Variants in FAM227B observed in about 807,000 individuals in gnomAD.
FAM227B encodes family with sequence similarity 227 member B.
FAM227B carries 88 observed loss-of-function variants against 73.8 expected under a neutral mutation model. The observed-to-expected ratio is 1.19, with a 90% CI of 1.00 to 1.42. The LOEUF (loss-of-function observed/expected upper bound fraction) is 1.42, where lower values mean the gene tolerates loss of function less well. FAM227B is among the 40% of genes most tolerant of loss of function. The pLI, the probability that FAM227B is intolerant of heterozygous loss-of-function variation, is 0.00. For synonymous variants in FAM227B, 210 were observed against 190.5 expected, an observed-to-expected ratio of 1.10 and a Z score of -0.84; for missense variants, 632 against 590.9, an observed-to-expected ratio of 1.07 and a Z score of -0.72.
intron 15 of FAM227B, chr15:49,329,129 A>AT (rs2151123538): frequency 1.0e-6 from 1 of 991,892 alleles, no homozygotes; most frequent in South Asian, 4.6e-5. Context: ...GCTTGTTTGT[A>AT]TATATGCACC....
At chr15:49,574,581 G>A (rs898453970) in intron 8 of FAM227B, among the ~76,000 whole-genome samples, 2 of 152,182 alleles carry the variant, frequency 1.3e-5, no homozygotes, top group African/African-American at 2.4e-5. Context: ...GCGGAAATAC[G>A]AGTCAATTAA....
At chr15:49,403,293 G>A (rs993790689) in intron 11 of FAM227B, among the ~76,000 whole-genome samples, 4 of 152,150 alleles carry the variant, frequency 2.6e-5, no homozygotes, top group Non-Finnish European at 4.4e-5. Flanking sequence ...AATGAGCTAG[G>A]GAGGGGTCCC....
rs111561194 is a variant in FAM227B, at chr15:49,550,005, A to G, written c.748-8199T>C. Among the ~76,000 whole-genome samples, 72 of 63,760 alleles carry G rather than the reference A, an allele frequency of 1.1e-3. 1 individual carries two copies. The highest frequency in any genetic ancestry group is 2.4e-3 in the East Asian group (5 of 2,072). The allele number at this position is 63,760 out of a possible 152,430, so 41.8% of individuals were successfully genotyped here. A position where few individuals can be genotyped will look rare whatever the true frequency, so the allele number is the denominator to read the frequency against. On this transcript the variant is annotated intron_variant, in intron 9 of 15. Transcript: ENST00000299338. ...TCCCAGACGGGGCGGCTGGCCGGGC[A>G]GGGGGCTGACCCCCCCACCTCCCTC...
chr15:49,604,020 G>A (rs1234722806), intron 3 of FAM227B, among the ~76,000 whole-genome samples: 1 of 152,014 alleles, frequency 6.6e-6, no homozygotes, highest in African/African-American at 2.4e-5. Flanking sequence ...CATGATGAAT[G>A]ATACTTTTAA....
intron 10 of FAM227B, among the ~76,000 whole-genome samples, chr15:49,525,871 T>C (rs1199279876): frequency 3.3e-5 from 5 of 151,012 alleles, no homozygotes; most frequent in Admixed American, 6.6e-5. Flanking sequence ...TAAATATATA[T>C]GAAGCCAACA....
chr15:49,365,436 CTGTACAATAA>C, intron 13 of FAM227B: 1 of 945,002 alleles, frequency 1.1e-6, no homozygotes, highest in East Asian at 2.4e-5. Flanking sequence ...AGCAACAGGC[CTGTACAATAA>C]TGTCTCCAAA....
At chr15:49,455,556 G>T (rs10519229) in intron 11 of FAM227B, among the ~76,000 whole-genome samples, 2 of 152,070 alleles carry the variant, frequency 1.3e-5, no homozygotes, top group African/African-American at 4.8e-5. Flanking sequence ...CTGAATTTCT[G>T]GGTAGGTCCA....
At chr15:49,515,948 T>A (rs918107710) in intron 10 of FAM227B, among the ~76,000 whole-genome samples, 11 of 152,090 alleles carry the variant, frequency 7.2e-5, no homozygotes, top group African/African-American at 2.2e-4. Flanking sequence ...TGTTCCTGTG[T>A]CTTGGAATGG....
rs148622656 is a variant in FAM227B at position 49,328,387 on chromosome 15, C to T, written c.*181G>A. On this transcript the variant is annotated 3_prime_UTR_variant, in exon 16 of 16. Transcript: ENST00000299338. ...ATTAAGAGCCAAGATCATGCTTGGACAGATCTTTTAAGAATAACTTACTGA... is the reference window on the plus strand; with the variant it reads ...ATTAAGAGCCAAGATCATGCTTGGATAGATCTTTTAAGAATAACTTACTGA... 118 of 1,429,008 alleles carry T rather than the reference C, an allele frequency of 8.3e-5. 1 individual carries two copies. In the South Asian group the frequency reaches 1.7e-3, roughly 21 times the overall value. The allele number at this position is 1,429,008 out of a possible 1,614,324, so 88.5% of individuals were successfully genotyped here.
At chr15:49,494,256 AAC>A (rs374477211) in intron 11 of FAM227B, among the ~76,000 whole-genome samples, 64,299 of 140,500 alleles carry the variant, frequency 0.46, 16,438 homozygotes, top group Non-Finnish European at 0.61. Context: ...GAGACACACA[AAC>A]ACACACACAC....
chr15:49,519,487 C>T (rs540477590), intron 10 of FAM227B, among the ~76,000 whole-genome samples: 1 of 152,308 alleles, frequency 6.6e-6, no homozygotes, highest in East Asian at 1.9e-4. Flanking sequence ...TTCCATACAT[C>T]CTCTAATTTC....
At chr15:49,533,562 T>C (rs1457499059) in intron 10 of FAM227B, among the ~76,000 whole-genome samples, 2 of 151,934 alleles carry the variant, frequency 1.3e-5, no homozygotes, top group East Asian at 3.8e-4. Context: ...CAACATCTAG[T>C]GCATATATAT....
intron 9 of FAM227B, among the ~76,000 whole-genome samples, chr15:49,567,684 A>G (rs1216387323): frequency 1.3e-5 from 2 of 152,122 alleles, no homozygotes; most frequent in African/African-American, 2.4e-5. Context: ...TTGAAATGCT[A>G]AATATTAAAC....
At chr15:49,550,201 CG>C (rs1294530098) in intron 9 of FAM227B, among the ~76,000 whole-genome samples, 3 of 143,392 alleles carry the variant, frequency 2.1e-5, no homozygotes, top group African/African-American at 7.8e-5. Flanking sequence ...GCTGGCCGGG[CG>C]GGGGGCTGAC....
At position 49,398,466 on chromosome 15, in the gene FAM227B, A is replaced by G. The variant is rs376537941; in HGVS notation, c.1013-27067T>C. Among the ~76,000 whole-genome samples the G allele has an allele frequency of 3.1e-5, 4 of 129,150 alleles. No homozygotes were observed. The East Asian group carries it at 6.5e-4, about 21-fold the overall frequency. 84.7% of individuals were successfully genotyped at this position (129,150 alleles called of 152,430 possible). On this transcript the variant is annotated intron_variant, in intron 11 of 15. Coordinates refer to ENST00000299338, the MANE Select transcript of FAM227B (RefSeq NM_152647.3). ...AGACAGAAAGTCAACAAGGATACCC[A>G]GGAATTGAACTCAGCTCTGCACCAA...
chr15:49,589,735 A>G, intron 4 of FAM227B, 41 bp downstream of exon 4: 2 of 1,228,286 alleles, frequency 1.6e-6, no homozygotes, highest in Non-Finnish European at 2.4e-6. Context: ...AAACATAGTG[A>G]GACTCCATTT....
chr15:49,587,448 A>T (rs1382169796), intron 5 of FAM227B, among the ~76,000 whole-genome samples: 1 of 152,144 alleles, frequency 6.6e-6, no homozygotes, highest in African/African-American at 2.4e-5. Context: ...GTTTATTTAT[A>T]TAACAAACCT....
intron 3 of FAM227B, among the ~76,000 whole-genome samples, chr15:49,594,424 G>A (rs2076775517): frequency 6.6e-6 from 1 of 152,070 alleles, no homozygotes; most frequent in Admixed American, 6.5e-5. Context: ...AAGACTTTTA[G>A]TTTAATTAAG....
intron 11 of FAM227B, chr15:49,487,897 T>TC (rs1424312261): frequency 6.6e-6 from 1 of 151,988 alleles, no homozygotes; most frequent in Non-Finnish European, 1.5e-5. Flanking sequence ...TTGGTTTACA[T>TC]CCCTACTCCA....
Sources: gnomAD v4.1 joint callset for allele counts (sites outside exome capture counted in the v4.1 genomes callset) on GRCh38, gnomAD v4.1.1 for gene constraint, MANE v1.5 for transcripts, NCBI Gene and HGNC (gene_info 2026-07-23, HGNC 2026-07-21) for gene names.